Variants in ERBB4 observed in about 807,000 individuals in gnomAD.
ERBB4 encodes erb-b2 receptor tyrosine kinase 4.
A neutral mutation model predicts 158.0 loss-of-function variants in ERBB4; 42 were observed. The observed-to-expected ratio is 0.27, with a 90% CI of 0.21 to 0.34. ERBB4 has a LOEUF of 0.34. Among genes scored for constraint, ERBB4 ranks in the 10% least tolerant of loss-of-function variants. The pLI is 1.00. For missense variants in ERBB4, 1,333 were observed against 1,624.1 expected (o/e 0.82, Z 3.08); for synonymous variants, 583 against 558.7 (o/e 1.04, Z -0.61).
chr2:212,029,539 A>T (rs1278772448), intron 2 of ERBB4, among the ~76,000 whole-genome samples: 5 of 152,254 alleles, frequency 3.3e-5, no homozygotes, highest in Admixed American at 3.3e-4. Flanking sequence ...AGGATTTAAG[A>T]TTGTATTTAG....
intron 1 of ERBB4, among the ~76,000 whole-genome samples, chr2:212,367,286 G>A (rs893104684): frequency 6.6e-6 from 1 of 151,958 alleles, no homozygotes; most frequent in Non-Finnish European, 1.5e-5. Context: ...TAATGTGGCA[G>A]GCCTAGAAAA....
intron 1 of ERBB4, among the ~76,000 whole-genome samples, chr2:212,128,172 A>G (rs1239555064): frequency 6.6e-6 from 1 of 152,184 alleles, no homozygotes. Flanking sequence ...TTGTAGAGTG[A>G]TACGGATGGA....
intron 19 of ERBB4, among the ~76,000 whole-genome samples, chr2:211,597,186 A>T (rs1014320396): frequency 6.6e-6 from 1 of 152,188 alleles, no homozygotes; most frequent in South Asian, 2.1e-4. Flanking sequence ...GTTAGGAAAA[A>T]ACCTGTAAAA....
At chr2:212,146,887 T>C (rs982240720) in intron 1 of ERBB4, among the ~76,000 whole-genome samples, 16 of 151,980 alleles carry the variant, frequency 1.1e-4, no homozygotes, top group African/African-American at 3.6e-4. Context: ...TAAAAAGGCA[T>C]TGGTTAAAAT....
intron 1 of ERBB4, among the ~76,000 whole-genome samples, chr2:212,409,269 C>T (rs1321532071): frequency 2.6e-5 from 4 of 151,948 alleles, no homozygotes; most frequent in African/African-American, 9.7e-5. Context: ...CATTTTAATC[C>T]CTGTTTATAA....
intron 3 of ERBB4, among the ~76,000 whole-genome samples, chr2:211,891,312 T>A: frequency 8.9e-6 from 1 of 112,452 alleles, no homozygotes; most frequent in African/African-American, 3.9e-5. Context: ...GACTACTGGG[T>A]ACATAACGAA....
chr2:212,047,000 G>A (rs1218470587), intron 2 of ERBB4, among the ~76,000 whole-genome samples: 1 of 152,100 alleles, frequency 6.6e-6, no homozygotes, highest in Admixed American at 6.6e-5. Flanking sequence ...ACAAAGAGCT[G>A]AGTGCAAAAA....
At chr2:211,960,412 T>C (rs1282384386) in intron 2 of ERBB4, among the ~76,000 whole-genome samples, 1 of 152,166 alleles carries the variant, frequency 6.6e-6, no homozygotes, top group Non-Finnish European at 1.5e-5. Flanking sequence ...AAATTTCTCA[T>C]CTTTGGACAA....
chr2:212,167,229 C>G (rs1041948567), intron 1 of ERBB4, among the ~76,000 whole-genome samples: 18 of 151,452 alleles, frequency 1.2e-4, no homozygotes, highest in Non-Finnish European at 1.6e-4. Flanking sequence ...TTACAAGGAA[C>G]TTAAACAAAT....
intron 1 of ERBB4, among the ~76,000 whole-genome samples, chr2:212,360,238 A>C (rs2089634174): frequency 1.3e-5 from 2 of 151,624 alleles, no homozygotes; most frequent in South Asian, 2.1e-4. Context: ...AGGTTTCCAA[A>C]GCCTTCCTAG....
chr2:211,512,214 A>T (rs1222816295), intron 20 of ERBB4, among the ~76,000 whole-genome samples: 1 of 152,158 alleles, frequency 6.6e-6, no homozygotes, highest in East Asian at 1.9e-4. Flanking sequence ...ATTTTAGGGC[A>T]GAAGTTTGAG....
intron 2 of ERBB4, among the ~76,000 whole-genome samples, chr2:212,029,350 T>C (rs1203770129): frequency 6.6e-6 from 1 of 152,000 alleles, no homozygotes; most frequent in Non-Finnish European, 1.5e-5. Context: ...GAAAATTCTT[T>C]CGTGGGCTAA....
intron 2 of ERBB4, among the ~76,000 whole-genome samples, chr2:212,065,375 C>T (rs572304057): frequency 6.6e-6 from 1 of 151,908 alleles, no homozygotes; most frequent in Non-Finnish European, 1.5e-5. Context: ...ACAAAAAGAG[C>T]AAATTCAGTG....
chr2:211,450,514 T>C lies in ERBB4; in HGVS notation c.2488-19414A>G, dbSNP rs1488880384. On this transcript the variant is annotated intron_variant, in intron 20 of 27. Coordinates refer to ENST00000342788, the MANE Select transcript of ERBB4 (RefSeq NM_005235.3). The stretch of plus-strand genomic sequence containing the variant: ...GCCCGGACCAGGGTGGTGCTAGCAA[T>C]GGTGGTGGAGATGGAGAGAAGTAAT... Among the ~76,000 whole-genome samples, 3 of 152,084 alleles carry C rather than the reference T, an allele frequency of 2.0e-5. No homozygotes were observed. The East Asian group carries it at 5.8e-4, about 29-fold the overall frequency.
chr2:211,805,927 A>G (rs2076602303), intron 3 of ERBB4, among the ~76,000 whole-genome samples: 1 of 151,728 alleles, frequency 6.6e-6, no homozygotes, highest in Non-Finnish European at 1.5e-5. Context: ...GAAGTCTCCT[A>G]GAAAGTAGAG....
intron 3 of ERBB4, among the ~76,000 whole-genome samples, chr2:211,894,819 A>T (rs1219358881): frequency 6.6e-6 from 1 of 152,172 alleles, no homozygotes; most frequent in Non-Finnish European, 1.5e-5. Context: ...GGTGTATTTG[A>T]TAAACTACAT....
At chr2:212,456,845 A>G (rs1688313053) in intron 1 of ERBB4, among the ~76,000 whole-genome samples, 1 of 151,978 alleles carries the variant, frequency 6.6e-6, no homozygotes, top group Admixed American at 6.6e-5. Context: ...TAGTAATTGT[A>G]AGCTGTAATT....
chr2:211,516,106 C>T (rs1417657606), intron 20 of ERBB4, among the ~76,000 whole-genome samples: 7 of 149,810 alleles, frequency 4.7e-5, no homozygotes, highest in Non-Finnish European at 7.4e-5. Flanking sequence ...TTAGTAGAGA[C>T]GGGGTTTCAC....
At chr2:211,965,162 TAAG>T (rs1320116479) in intron 2 of ERBB4, among the ~76,000 whole-genome samples, 1 of 152,014 alleles carries the variant, frequency 6.6e-6, no homozygotes, top group Non-Finnish European at 1.5e-5. Context: ...GAGGAAAAAA[TAAG>T]AAGGACAGCA....
Sources: gnomAD v4.1 joint callset for allele counts (sites outside exome capture counted in the v4.1 genomes callset) on GRCh38, gnomAD v4.1.1 for gene constraint, MANE v1.5 for transcripts, NCBI Gene and HGNC (gene_info 2026-07-23, HGNC 2026-07-21) for gene names.